The following CERT1 variants were observed in gnomAD, a reference collection of about 807,000 sequenced individuals.
The protein encoded by CERT1 is ceramide transporter 1, also known as ceramide transfer protein.
In CERT1, 31 loss-of-function variants were observed where a neutral mutation model predicts 87.9. The ratio of observed to expected loss-of-function variants is 0.35; its 90% CI spans 0.27 to 0.48. CERT1 has a LOEUF of 0.48. CERT1 is among the 20% of genes least tolerant of loss of function. The probability of loss-of-function intolerance (pLI) is 0.99; values close to 1 mark genes in which losing one functional copy is unlikely to be tolerated. For synonymous variants in CERT1, 289 were observed against 250.9 expected (o/e 1.15, Z -1.44); for missense variants, 487 against 758.0 (o/e 0.64, Z 4.20).
intron 2 of CERT1, among the ~76,000 whole-genome samples, chr5:75,476,176 G>A (rs1161767841): frequency 6.6e-6 from 1 of 152,126 alleles, no homozygotes; most frequent in Non-Finnish European, 1.5e-5. Flanking sequence ...ACAAGCTTTA[G>A]ATAATCTGGC....
Position 75,459,189 on chromosome 5 carries a change from GA to G in CERT1, c.232-9del. The G allele has an allele frequency of 6.5e-7, 1 of 1,540,018 alleles. No individual in the cohort carries two copies. The highest frequency in any genetic ancestry group is 9.0e-7 in the Non-Finnish European group (1 of 1,112,990). On this transcript the variant is annotated splice_polypyrimidine_tract_variant and intron_variant, in intron 2 of 16. Coordinates refer to ENST00000643780, the MANE Select transcript of CERT1 (RefSeq NM_001379029.1). ...TTCATCAAAATCGTGAGGCTGTGGA[GA>G]AAAAGTAGAAAATGAAAAGCAAAGC...
rs547785308 is a variant in CERT1, at chr5:75,511,288, G to A, written c.-81C>T. 11 of 1,573,578 alleles carry A rather than the reference G, an allele frequency of 7.0e-6. No homozygotes were observed. The highest frequency in any genetic ancestry group is 1.9e-5 in the Admixed American group (1 of 53,026). ...GAGGCGCCCAGTCCTCGGGGTGAAG[G>A]GTCGGGGGATGGCGAAGCGAAGAGT... On this transcript the variant is annotated 5_prime_UTR_variant, in exon 1 of 17. Transcript: ENST00000643780.
At chr5:75,476,863 C>T (rs1765976567) in intron 2 of CERT1, among the ~76,000 whole-genome samples, 2 of 152,190 alleles carry the variant, frequency 1.3e-5, no homozygotes, top group South Asian at 4.2e-4. Flanking sequence ...AAAGCCTGCA[C>T]ATCACATTCA....
At chr5:75,468,770 A>G (rs988180349) in intron 2 of CERT1, among the ~76,000 whole-genome samples, 2 of 152,196 alleles carry the variant, frequency 1.3e-5, no homozygotes, top group African/African-American at 4.8e-5. Flanking sequence ...ATGGGCTTAG[A>G]GATCACACCA....
In CERT1 at chr5:75,403,065, C is replaced by G. The variant is rs1580721647; in HGVS notation, c.931-7G>C. On this transcript the variant is annotated splice_polypyrimidine_tract_variant and splice_region_variant and intron_variant, in intron 8 of 16. Coordinates refer to ENST00000643780, the MANE Select transcript of CERT1 (RefSeq NM_001379029.1). ...TCAGACTGTTAGGGCCTTCCTATTC[C>G]AACACACAGTGGAGAAAAAAGCAGT... 3.1e-6 allele frequency: 5 copies of G among 1,594,888 alleles called. No homozygotes were observed. The highest frequency in any genetic ancestry group is 4.3e-6 in the Non-Finnish European group (5 of 1,164,006).
chr5:75,378,473 G>A lies in CERT1; in HGVS notation c.*873C>T, dbSNP rs1327688469. On this transcript the variant is annotated 3_prime_UTR_variant, in exon 17 of 17. Transcript: ENST00000643780. ...CTACCTCTTTGCATAAAGGTGTTCAGTGCTGTACTGGTTGACAGTAAAAAT... is the reference window on the plus strand; with the variant it reads ...CTACCTCTTTGCATAAAGGTGTTCAATGCTGTACTGGTTGACAGTAAAAAT... The A allele has an allele frequency of 6.6e-6, 1 of 152,160 alleles. No individual in the cohort carries two copies. The highest frequency in any genetic ancestry group is 1.5e-5 in the Non-Finnish European group (1 of 68,028). 9.4% of individuals were successfully genotyped at this position (152,160 alleles called of 1,614,324 possible).
intron 3 of CERT1, among the ~76,000 whole-genome samples, chr5:75,452,384 G>A (rs550783228): frequency 2.6e-5 from 4 of 152,146 alleles, no homozygotes; most frequent in Non-Finnish European, 2.9e-5. Context: ...AATGTTATAC[G>A]ATTACCATAA....
chr5:75,412,928 C>T (rs1762989410), intron 7 of CERT1, among the ~76,000 whole-genome samples: 1 of 152,116 alleles, frequency 6.6e-6, no homozygotes, highest in African/African-American at 2.4e-5. Flanking sequence ...CAATAACAAC[C>T]TTAGCTTACT....
chr5:75,504,502 A>G (rs1217653360), intron 2 of CERT1, among the ~76,000 whole-genome samples: 3 of 152,210 alleles, frequency 2.0e-5, no homozygotes, highest in Non-Finnish European at 4.4e-5. Context: ...TAATGTAAAA[A>G]TACTGTAAGA....
intron 1 of CERT1, among the ~76,000 whole-genome samples, chr5:75,507,205 C>T (rs775476706): frequency 5.9e-5 from 9 of 152,066 alleles, no homozygotes; most frequent in Non-Finnish European, 1.2e-4. Context: ...CTCAGTTTAC[C>T]GCAATCTCCT....
chr5:75,380,623 C>T (rs1761532461), intron 16 of CERT1, among the ~76,000 whole-genome samples: 1 of 151,814 alleles, frequency 6.6e-6, no homozygotes, highest in African/African-American at 2.4e-5. Flanking sequence ...CCCGTCTCTA[C>T]TAAAAATACA....
intron 3 of CERT1, among the ~76,000 whole-genome samples, chr5:75,449,056 T>C (rs1764670248): frequency 2.0e-5 from 3 of 152,214 alleles, no homozygotes; most frequent in African/African-American, 7.2e-5. Context: ...ATTATACTTG[T>C]ATAACTGCCA....
intron 2 of CERT1, among the ~76,000 whole-genome samples, chr5:75,476,961 C>T (rs1462608914): frequency 2.6e-5 from 4 of 152,102 alleles, no homozygotes; most frequent in Admixed American, 1.3e-4. Flanking sequence ...CCCCCAAATT[C>T]CCAAATTAAC....
intron 2 of CERT1, among the ~76,000 whole-genome samples, chr5:75,486,852 G>A (rs1419324502): frequency 6.6e-6 from 1 of 151,990 alleles, no homozygotes; most frequent in Non-Finnish European, 1.5e-5. Flanking sequence ...ACAACGGAAA[G>A]ATATCACATA....
At chr5:75,388,790 A>G (rs1761918147) in intron 12 of CERT1, among the ~76,000 whole-genome samples, 1 of 151,230 alleles carries the variant, frequency 6.6e-6, no homozygotes, top group African/African-American at 2.4e-5. Context: ...GCACCCAGCT[A>G]ATTTTTGTAT....
intron 2 of CERT1, among the ~76,000 whole-genome samples, chr5:75,480,467 GA>G (rs1766183090): frequency 6.6e-6 from 1 of 152,146 alleles, no homozygotes; most frequent in Non-Finnish European, 1.5e-5. Context: ...ACACAAGGGG[GA>G]AAAATGGAAT....
intron 16 of CERT1, among the ~76,000 whole-genome samples, 166 bp downstream of exon 16, chr5:75,380,906 C>T (rs1045292558): frequency 3.3e-5 from 5 of 151,844 alleles, no homozygotes; most frequent in Non-Finnish European, 7.4e-5. Flanking sequence ...ATTCAGACAT[C>T]TGTACTTTCA....
At chr5:75,458,081 A>G (rs993716706) in intron 3 of CERT1, among the ~76,000 whole-genome samples, 1 of 152,122 alleles carries the variant, frequency 6.6e-6, no homozygotes, top group Non-Finnish European at 1.5e-5. Flanking sequence ...GCAAGTACGT[A>G]AACAAGCAAA....
At chr5:75,433,960 T>C (rs1763978021) in intron 3 of CERT1, among the ~76,000 whole-genome samples, 2 of 152,218 alleles carry the variant, frequency 1.3e-5, no homozygotes, top group Admixed American at 6.5e-5. Flanking sequence ...CTTCCTCTTT[T>C]CCAATCCAGA....
Sources: gnomAD v4.1 joint callset for allele counts (sites outside exome capture counted in the v4.1 genomes callset) on GRCh38, gnomAD v4.1.1 for gene constraint, MANE v1.5 for transcripts, NCBI Gene and HGNC (gene_info 2026-07-23, HGNC 2026-07-21) for gene names.